The following NTN4 variants were observed in gnomAD, a reference collection of about 807,000 sequenced individuals.
NTN4 encodes netrin 4.
In NTN4, 32 loss-of-function variants were observed where a neutral mutation model predicts 73.6. The ratio of observed to expected loss-of-function variants is 0.44; its 90% CI spans 0.33 to 0.58. The LOEUF is 0.58. NTN4 is among the 20% of genes least tolerant of loss of function. The pLI is 0.04. For synonymous variants in NTN4, 258 were observed against 287.5 expected (o/e 0.90, Z 1.04); for missense variants, 654 against 798.3 (o/e 0.82, Z 2.18).
intron 2 of NTN4, among the ~76,000 whole-genome samples, chr12:95,778,677 C>T (rs551766665): frequency 6.6e-6 from 1 of 152,216 alleles, no homozygotes; most frequent in South Asian, 2.1e-4. Context: ...TAATAGCTTA[C>T]CAACCAAAAA....
chr12:95,744,980 T>C (rs1311130978), intron 2 of NTN4, among the ~76,000 whole-genome samples: 2 of 152,094 alleles, frequency 1.3e-5, no homozygotes, highest in African/African-American at 4.8e-5. Flanking sequence ...CTCCGCTGTC[T>C]TCAGGCTTAC....
intron 2 of NTN4, among the ~76,000 whole-genome samples, chr12:95,785,550 C>T (rs2079161041): frequency 6.6e-6 from 1 of 152,172 alleles, no homozygotes; most frequent in Non-Finnish European, 1.5e-5. Context: ...TCTTGCTGGT[C>T]TCTTCAAGGT....
At chr12:95,780,864 G>C (rs1160496790) in intron 2 of NTN4, among the ~76,000 whole-genome samples, 1 of 152,176 alleles carries the variant, frequency 6.6e-6, no homozygotes, top group African/African-American at 2.4e-5. Flanking sequence ...GTTTATTGCA[G>C]CACTATTCAC....
At chr12:95,685,868 C>T (rs2078356855) in intron 5 of NTN4, among the ~76,000 whole-genome samples, 1 of 151,984 alleles carries the variant, frequency 6.6e-6, no homozygotes, top group African/African-American at 2.4e-5. Context: ...ATTAAATTAA[C>T]TAATTAATCC....
intron 2 of NTN4, among the ~76,000 whole-genome samples, chr12:95,744,469 T>C (rs1382658840): frequency 1.3e-5 from 2 of 152,202 alleles, no homozygotes; most frequent in African/African-American, 4.8e-5. Context: ...TCTATGCCTT[T>C]AATGGGGATA....
intron 2 of NTN4, among the ~76,000 whole-genome samples, chr12:95,760,426 C>A (rs1421848893): frequency 6.6e-6 from 1 of 152,138 alleles, no homozygotes; most frequent in Non-Finnish European, 1.5e-5. Context: ...GATCTCTGGA[C>A]TTCTCTTATG....
chr12:95,699,328 G>A (rs2078465656), intron 5 of NTN4, among the ~76,000 whole-genome samples: 1 of 152,198 alleles, frequency 6.6e-6, no homozygotes, highest in Non-Finnish European at 1.5e-5. Context: ...CAAATGAAAG[G>A]TGCTTATGTT....
intron 2 of NTN4, among the ~76,000 whole-genome samples, chr12:95,777,449 T>G (rs1162233546): frequency 2.0e-5 from 3 of 152,094 alleles, no homozygotes; most frequent in Non-Finnish European, 4.4e-5. Context: ...TAGGCTCATA[T>G]AAAGGGATGG....
In NTN4 at chr12:95,700,403, G is replaced by A. The variant is rs148599588; in HGVS notation, c.1180+10038C>T. On this transcript the variant is annotated intron_variant, in intron 5 of 9. Coordinates refer to ENST00000343702, the MANE Select transcript of NTN4 (RefSeq NM_021229.4). ...TTTAAAGGAATGCAGATTTCTGTCC[G>A]GACGCCCTGTTGGAGATTCTGATTC... Among the ~76,000 whole-genome samples, 341 of 152,174 alleles carry A rather than the reference G, an allele frequency of 2.2e-3. 3 individuals are homozygous for A. The highest frequency in any genetic ancestry group is 7.0e-3 in the African/African-American group (292 of 41,518).
chr12:95,789,453 A>G lies in NTN4; in HGVS notation c.55+802T>C, dbSNP rs1029143228. ...CTAACTGGAAACCAGGTGACCCGCA[A>G]GAGGGAGGGAGAGGAGCAGAAGGGG... On this transcript the variant is annotated intron_variant, in intron 1 of 9. Coordinates refer to ENST00000343702, the MANE Select transcript of NTN4 (RefSeq NM_021229.4). The surrounding 1 kb of genome is among the most constrained non-coding windows in gnomAD (Gnocchi z 4.0). Among the ~76,000 whole-genome samples the G allele has an allele frequency of 1.3e-5, 2 of 152,178 alleles. No individual in the cohort carries two copies. Among genetic ancestry groups the G allele is most frequent in the Admixed American group, 6.5e-5 (1 of 15,278 alleles).
At chr12:95,697,076 G>A (rs972980417) in intron 5 of NTN4, among the ~76,000 whole-genome samples, 6 of 151,944 alleles carry the variant, frequency 3.9e-5, no homozygotes, top group Non-Finnish European at 8.8e-5. Context: ...TCGAGAGGCT[G>A]AGATGGGAGG....
chr12:95,664,560 T>C (rs139355791), intron 9 of NTN4, among the ~76,000 whole-genome samples: 17 of 150,240 alleles, frequency 1.1e-4, no homozygotes, highest in African/African-American at 4.2e-4. Flanking sequence ...TCTCTTTCTC[T>C]TTCTCTCTCA....
At chr12:95,766,457 A>C (rs143349377) in intron 2 of NTN4, among the ~76,000 whole-genome samples, 2 of 152,366 alleles carry the variant, frequency 1.3e-5, no homozygotes, top group East Asian at 3.9e-4. Flanking sequence ...GGGATGAGAA[A>C]CTGAAAGGAA....
At chr12:95,741,453 A>C (rs1366233794) in intron 2 of NTN4, among the ~76,000 whole-genome samples, 2 of 123,824 alleles carry the variant, frequency 1.6e-5, no homozygotes, top group Non-Finnish European at 3.3e-5. Flanking sequence ...ATATATATAT[A>C]TATATATATA....
At chr12:95,754,323 G>A (rs912145539) in intron 2 of NTN4, among the ~76,000 whole-genome samples, 18 of 52,382 alleles carry the variant, frequency 3.4e-4, no homozygotes, top group Non-Finnish European at 8.2e-4. Flanking sequence ...TTCCCACGCC[G>A]CCCCTAATCC....
At position 95,790,319 on chromosome 12, in the gene NTN4, G is replaced by GAGCCGGGAGC. The variant is rs1366366639; in HGVS notation, c.-20_-11dup. 4 of 1,526,798 alleles carry GAGCCGGGAGC rather than the reference G, an allele frequency of 2.6e-6. No homozygotes were observed. The highest frequency in any genetic ancestry group is 3.5e-6 in the Non-Finnish European group (4 of 1,137,996). The allele number at this position is 1,526,798 out of a possible 1,614,324, so 94.6% of individuals were successfully genotyped here. A position where few individuals can be genotyped will look rare whatever the true frequency, so the allele number is the denominator to read the frequency against. The stretch of plus-strand genomic sequence containing the variant: ...GCGCGCAGCTCCCCATGGCCGGGAG[G>GAGCCGGGAGC]AGCCGGGAGCAGCCGGGCCGGGCGG... On this transcript the variant is annotated 5_prime_UTR_variant, in exon 1 of 10. Coordinates refer to ENST00000343702, the MANE Select transcript of NTN4 (RefSeq NM_021229.4). The surrounding 1 kb of genome is among the most constrained non-coding windows in gnomAD (Gnocchi z 6.5).
chr12:95,681,463 T>C (rs1052598604), intron 7 of NTN4, among the ~76,000 whole-genome samples: 3 of 152,228 alleles, frequency 2.0e-5, no homozygotes, highest in Non-Finnish European at 2.9e-5. Context: ...TGGGTGCTCA[T>C]TGCATAACAT....
rs1460848065 is a variant in NTN4, at chr12:95,770,988, A to ATTTTTTTTTTTTTTTTTTTTTTTTTTTT, written c.585+15950_585+15951insAAAAAAAAAAAAAAAAAAAAAAAAAAAA. Among the ~76,000 whole-genome samples the ATTTTTTTTTTTTTTTTTTTTTTTTTTTT allele has an allele frequency of 1.5e-4, 9 of 58,100 alleles. 2 individuals are homozygous for ATTTTTTTTTTTTTTTTTTTTTTTTTTTT. The highest frequency in any genetic ancestry group is 3.5e-4 in the African/African-American group (8 of 22,890). The allele number at this position is 58,100 out of a possible 152,430, so 38.1% of individuals were successfully genotyped here. On this transcript the variant is annotated intron_variant, in intron 2 of 9. Coordinates refer to ENST00000343702, the MANE Select transcript of NTN4 (RefSeq NM_021229.4). ...GCAAGATGAACCATCCAGGAAAAGA[A>ATTTTTTTTTTTTTTTTTTTTTTTTTTTT]TTTGTTTTTTTTTTTTTTTGAGACA...
intron 2 of NTN4, among the ~76,000 whole-genome samples, chr12:95,745,051 A>AT (rs900276562): frequency 6.6e-6 from 1 of 151,572 alleles, no homozygotes; most frequent in African/African-American, 2.4e-5. Flanking sequence ...GTAATGTGCC[A>AT]TTTTTTTCTC....
Sources: gnomAD v4.1 joint callset for allele counts (sites outside exome capture counted in the v4.1 genomes callset) on GRCh38, gnomAD v4.1.1 for gene constraint, Gnocchi (gnomAD v3.1) non-coding constraint, MANE v1.5 for transcripts, NCBI Gene and HGNC (gene_info 2026-07-23, HGNC 2026-07-21) for gene names.